The following FMN2 variants were observed in gnomAD, a reference collection of about 807,000 sequenced individuals.
FMN2 encodes the protein formin-2.
In FMN2, 51 loss-of-function variants were observed where a neutral mutation model predicts 142.3. That is an observed-to-expected ratio of 0.36 (90% confidence interval 0.29 to 0.45). FMN2 has a LOEUF of 0.45. FMN2 is among the 20% of genes least tolerant of loss of function. The pLI is 1.00. For missense variants in FMN2, 1,936 were observed against 2,122.8 expected (o/e 0.91, Z 1.73); for synonymous variants, 882 against 869.8 (o/e 1.01, Z -0.25).
chr1:240,235,397 ATAATT>A (rs1667669634), intron 6 of FMN2, among the ~76,000 whole-genome samples: 2 of 150,170 alleles, frequency 1.3e-5, no homozygotes, highest in Admixed American at 6.6e-5. Context: ...TGATTTTTAA[ATAATT>A]TAATTAATTT....
chr1:240,244,140 A>T (rs1363807355), intron 6 of FMN2, among the ~76,000 whole-genome samples: 1 of 152,150 alleles, frequency 6.6e-6, no homozygotes, highest in East Asian at 1.9e-4. Context: ...GGATCTGGCC[A>T]TTTATCCCTT....
intron 2 of FMN2, among the ~76,000 whole-genome samples, chr1:240,138,286 G>T (rs12033989): frequency 0.018 from 2,688 of 152,056 alleles, 57 homozygotes; most frequent in East Asian, 0.087. Flanking sequence ...TGAGGGGTGT[G>T]CTGTGTTTGT....
intron 6 of FMN2, among the ~76,000 whole-genome samples, chr1:240,241,807 T>G (rs1376322854): frequency 2.0e-5 from 3 of 151,152 alleles, no homozygotes; most frequent in African/African-American, 4.9e-5. Flanking sequence ...ATCATTTTCT[T>G]TATTTTAGTG....
intron 1 of FMN2, among the ~76,000 whole-genome samples, chr1:240,113,285 C>T (rs1283792262): frequency 1.3e-5 from 2 of 151,968 alleles, no homozygotes; most frequent in African/African-American, 2.4e-5. Context: ...AGATTGTGGC[C>T]GGGCACGGTG....
At chr1:240,363,259 T>C (rs1166244113) in intron 14 of FMN2, among the ~76,000 whole-genome samples, 4 of 152,326 alleles carry the variant, frequency 2.6e-5, no homozygotes, top group African/African-American at 9.6e-5. Context: ...AACAGGTATG[T>C]TTGATTTTTT....
intron 15 of FMN2, among the ~76,000 whole-genome samples, chr1:240,415,586 T>A (rs1674551848): frequency 1.3e-5 from 2 of 152,094 alleles, no homozygotes; most frequent in South Asian, 4.1e-4. Flanking sequence ...CACATGTGTA[T>A]AATGATTCTT....
At chr1:240,135,233 A>G (rs867006769) in intron 2 of FMN2, among the ~76,000 whole-genome samples, 1 of 152,190 alleles carries the variant, frequency 6.6e-6, no homozygotes, top group Non-Finnish European at 1.5e-5. Context: ...TTGCTACACA[A>G]CATTGCTCTT....
At chr1:240,170,284 A>T (rs1664649435) in intron 2 of FMN2, 1 of 1,131,128 alleles carries the variant, frequency 8.8e-7, no homozygotes, top group Non-Finnish European at 1.3e-6. Context: ...TTGAATCAAG[A>T]TCATTGCCAC....
chr1:240,330,772 C>G, intron 11 of FMN2, 23 bp downstream of exon 11: 1 of 1,608,600 alleles, frequency 6.2e-7, no homozygotes, highest in Non-Finnish European at 8.5e-7. Context: ...CATGAGTGGA[C>G]GTAAGCACAT....
chr1:240,282,128 A>C (rs1313953897), intron 7 of FMN2, among the ~76,000 whole-genome samples: 1 of 152,198 alleles, frequency 6.6e-6, no homozygotes, highest in Non-Finnish European at 1.5e-5. Context: ...ACAATAGAGG[A>C]GTTACCTCTA....
At chr1:240,252,994 C>T (rs1488482734) in intron 6 of FMN2, among the ~76,000 whole-genome samples, 1 of 97,186 alleles carries the variant, frequency 1.0e-5, no homozygotes, top group Admixed American at 1.4e-4. Context: ...CACTCTGTCA[C>T]CAGGCTGGAG....
At chr1:240,376,077 C>T (rs1171594562) in intron 14 of FMN2, among the ~76,000 whole-genome samples, 2 of 152,020 alleles carry the variant, frequency 1.3e-5, no homozygotes, top group African/African-American at 4.8e-5. Context: ...TATTGATTCT[C>T]CTTTTTTCCT....
intron 13 of FMN2, among the ~76,000 whole-genome samples, chr1:240,341,984 C>T (rs1250292238): frequency 2.6e-5 from 4 of 152,184 alleles, no homozygotes; most frequent in African/African-American, 9.7e-5. Flanking sequence ...AGTTACCACT[C>T]TGGGTTTCCA....
Position 240,474,638 on chromosome 1 carries a change from A to G in FMN2, c.*484A>G, listed in dbSNP as rs929117009. 1.3e-5 allele frequency: 2 copies of G among 152,848 alleles called. No homozygotes were observed. Among genetic ancestry groups the G allele is most frequent in the Non-Finnish European group, 2.9e-5 (2 of 68,172 alleles). 9.5% of individuals were successfully genotyped at this position (152,848 alleles called of 1,614,324 possible). Reference sequence around the variant, plus strand: ...GTATAAATTTTCTATTTTAAAATTTAAGAACCGTTTATAATCAGTGCTTTC... The same window carrying G: ...GTATAAATTTTCTATTTTAAAATTTGAGAACCGTTTATAATCAGTGCTTTC... On this transcript the variant is annotated 3_prime_UTR_variant, in exon 18 of 18. Coordinates refer to ENST00000319653, the MANE Select transcript of FMN2 (RefSeq NM_020066.5).
chr1:240,252,043 G>A (rs971007759), intron 6 of FMN2, among the ~76,000 whole-genome samples: 1 of 152,096 alleles, frequency 6.6e-6, no homozygotes, highest in Non-Finnish European at 1.5e-5. Context: ...CAAGTAGCTG[G>A]GATTACAGAC....
chr1:240,094,062 C>A (rs949172315), intron 1 of FMN2, among the ~76,000 whole-genome samples: 3 of 152,134 alleles, frequency 2.0e-5, no homozygotes, highest in Non-Finnish European at 2.9e-5. Flanking sequence ...TTAGCTAAAC[C>A]ATCATTCTTC....
chr1:240,206,722 T>A (rs1164694702), intron 4 of FMN2, 77 bp from the exon 5 acceptor site: 1 of 1,480,894 alleles, frequency 6.8e-7, no homozygotes, highest in Non-Finnish European at 9.1e-7. Context: ...CAAACAGATA[T>A]AATTTTGCTT....
At chr1:240,427,171 T>TTATATATATATA (rs34534422) in intron 15 of FMN2, among the ~76,000 whole-genome samples, 4 of 136,890 alleles carry the variant, frequency 2.9e-5, no homozygotes, top group African/African-American at 1.3e-4. Context: ...ACAACTGATT[T>TTATATATATATA]TATATATATA....
chr1:240,203,800 C>A (rs1199459915), intron 4 of FMN2, among the ~76,000 whole-genome samples: 2 of 152,118 alleles, frequency 1.3e-5, no homozygotes, highest in African/African-American at 4.8e-5. Context: ...GCACATGTAT[C>A]CCAGGACTTA....
Sources: gnomAD v4.1 joint callset for allele counts (sites outside exome capture counted in the v4.1 genomes callset) on GRCh38, gnomAD v4.1.1 for gene constraint, MANE v1.5 for transcripts, NCBI Gene and HGNC (gene_info 2026-07-23, HGNC 2026-07-21) for gene names.